Variants in C1orf21 observed in about 807,000 individuals in gnomAD.
The protein encoded by C1orf21 is chromosome 1 open reading frame 21.
A neutral mutation model predicts 18.7 loss-of-function variants in C1orf21; 3 were observed. That is an observed-to-expected ratio of 0.16 (90% CI 0.07 to 0.42). C1orf21 has a LOEUF of 0.42. Among genes scored for constraint, C1orf21 ranks in the 10% least tolerant of loss-of-function variants. The pLI is 0.99. For synonymous variants in C1orf21, 41 were observed against 46.4 expected (o/e 0.88, Z 0.47); for missense variants, 104 against 143.6 (o/e 0.72, Z 1.41).
intron 5 of C1orf21, among the ~76,000 whole-genome samples, chr1:184,600,953 A>G (rs1471629801): frequency 6.6e-6 from 1 of 152,262 alleles, no homozygotes; most frequent in Admixed American, 6.5e-5. Flanking sequence ...GCCATCGTTT[A>G]TATAACCAAA....
At chr1:184,437,010 A>G (rs897048797) in intron 1 of C1orf21, among the ~76,000 whole-genome samples, 1 of 152,118 alleles carries the variant, frequency 6.6e-6, no homozygotes, top group Non-Finnish European at 1.5e-5. Context: ...GGTAGGAAAA[A>G]AGGAATTGTT....
chr1:184,463,130 T>C (rs994221645), intron 1 of C1orf21, among the ~76,000 whole-genome samples: 5 of 150,380 alleles, frequency 3.3e-5, no homozygotes, highest in South Asian at 4.2e-4. Flanking sequence ...ATAGTGTTCA[T>C]GTGCAGGCAG....
intron 2 of C1orf21, among the ~76,000 whole-genome samples, chr1:184,505,104 T>C (rs910671886): frequency 1.3e-5 from 2 of 151,928 alleles, no homozygotes; most frequent in Non-Finnish European, 2.9e-5. Context: ...GTTCAGAGTA[T>C]GTCTGCACTA....
intron 1 of C1orf21, among the ~76,000 whole-genome samples, chr1:184,423,433 C>T (rs1656578687): frequency 6.6e-6 from 1 of 152,122 alleles, no homozygotes; most frequent in Non-Finnish European, 1.5e-5. Flanking sequence ...ATGAAGCCTT[C>T]AAATACTGGG....
At chr1:184,423,540 A>G (rs767054671) in intron 1 of C1orf21, among the ~76,000 whole-genome samples, 4 of 152,154 alleles carry the variant, frequency 2.6e-5, no homozygotes, top group Non-Finnish European at 2.9e-5. Flanking sequence ...GATTAATCTG[A>G]CAAAAATATG....
At chr1:184,486,324 A>T (rs1475374162) in intron 2 of C1orf21, among the ~76,000 whole-genome samples, 1 of 152,196 alleles carries the variant, frequency 6.6e-6, no homozygotes, top group Non-Finnish European at 1.5e-5. Context: ...CTGGGGTTTG[A>T]TTCCAGTGTC....
intron 1 of C1orf21, among the ~76,000 whole-genome samples, chr1:184,437,506 A>G (rs775798867): frequency 1.1e-4 from 17 of 152,044 alleles, no homozygotes; most frequent in Non-Finnish European, 2.1e-4. Flanking sequence ...GTGCAAAGGT[A>G]GTACGCAGCA....
chr1:184,537,744 G>A (rs1439833581), intron 3 of C1orf21, among the ~76,000 whole-genome samples: 3 of 152,016 alleles, frequency 2.0e-5, no homozygotes, highest in East Asian at 1.9e-4. Flanking sequence ...TCCGCCTCCC[G>A]GGTTCAAGCT....
chr1:184,451,868 A>C (rs1287735458), intron 1 of C1orf21, among the ~76,000 whole-genome samples: 1 of 152,224 alleles, frequency 6.6e-6, no homozygotes, highest in African/African-American at 2.4e-5. Flanking sequence ...CCGTGTTTAT[A>C]AACTTAATGA....
intron 3 of C1orf21, among the ~76,000 whole-genome samples, chr1:184,550,900 G>A (rs1658803161): frequency 6.6e-6 from 1 of 152,176 alleles, no homozygotes; most frequent in African/African-American, 2.4e-5. Context: ...CTGTCTAGAG[G>A]TTGAGATAGT....
intron 3 of C1orf21, among the ~76,000 whole-genome samples, chr1:184,557,631 T>G (rs1248940160): frequency 2.6e-5 from 4 of 152,220 alleles, no homozygotes; most frequent in Non-Finnish European, 5.9e-5. Context: ...ATACCACATT[T>G]TCTTTATCCA....
intron 1 of C1orf21, among the ~76,000 whole-genome samples, chr1:184,450,805 AATG>A (rs1445040958): frequency 6.6e-6 from 1 of 152,192 alleles, no homozygotes; most frequent in Admixed American, 6.5e-5. Context: ...TAAAATCAGA[AATG>A]ATGATGGAGA....
intron 5 of C1orf21, among the ~76,000 whole-genome samples, chr1:184,601,980 A>C (rs1659591137): frequency 1.3e-5 from 2 of 152,230 alleles, no homozygotes; most frequent in Non-Finnish European, 2.9e-5. Flanking sequence ...TACTGAGGAT[A>C]CAAAATTAGA....
At chr1:184,582,752 G>A (rs551778571) in intron 3 of C1orf21, among the ~76,000 whole-genome samples, 1 of 152,318 alleles carries the variant, frequency 6.6e-6, no homozygotes, top group East Asian at 1.9e-4. Flanking sequence ...TGCAGACAAT[G>A]CTTTTAGTCG....
intron 3 of C1orf21, among the ~76,000 whole-genome samples, chr1:184,584,891 T>C (rs1405598145): frequency 6.6e-6 from 1 of 152,220 alleles, no homozygotes; most frequent in East Asian, 1.9e-4. Context: ...AAAGCAGATC[T>C]GTGGTTGCCC....
intron 3 of C1orf21, among the ~76,000 whole-genome samples, chr1:184,582,640 C>T (rs1403030863): frequency 6.6e-6 from 1 of 152,198 alleles, no homozygotes; most frequent in African/African-American, 2.4e-5. Flanking sequence ...ACTATCAATT[C>T]AGAACCAATT....
rs1660022361 is a variant in C1orf21, at chr1:184,627,014, G to A, written c.*7458G>A. On this transcript the variant is annotated 3_prime_UTR_variant, in exon 6 of 6. Transcript: ENST00000235307. The stretch of plus-strand genomic sequence containing the variant: ...CCCTGGATTAGGTCACATACACCTG[G>A]TGGCCAAGCCTCTGCTGGGTCCCAA... The A allele has an allele frequency of 6.6e-6, 1 of 152,616 alleles. No homozygotes were observed. Among genetic ancestry groups the A allele is most frequent in the Non-Finnish European group, 1.5e-5 (1 of 68,050 alleles). The allele number at this position is 152,616 out of a possible 1,614,324, so 9.5% of individuals were successfully genotyped here.
chr1:184,526,887 T>G (rs1241934743), intron 3 of C1orf21, among the ~76,000 whole-genome samples: 1 of 152,120 alleles, frequency 6.6e-6, no homozygotes, highest in African/African-American at 2.4e-5. Context: ...CTGGGTATTA[T>G]AAGTAAAACC....
intron 1 of C1orf21, among the ~76,000 whole-genome samples, chr1:184,470,462 G>C (rs1041444699): frequency 2.6e-5 from 4 of 152,196 alleles, no homozygotes; most frequent in African/African-American, 7.2e-5. Flanking sequence ...TGGGGAACCA[G>C]CAGCACATCT....
Sources: gnomAD v4.1 joint callset for allele counts (sites outside exome capture counted in the v4.1 genomes callset) on GRCh38, gnomAD v4.1.1 for gene constraint, MANE v1.5 for transcripts, NCBI Gene and HGNC (gene_info 2026-07-23, HGNC 2026-07-21) for gene names.